Variants in KIF13B observed in about 807,000 individuals in gnomAD.
The protein encoded by KIF13B is kinesin family member 13B, also known as kinesin-like protein KIF13B.
In KIF13B, 127 loss-of-function variants were observed where a neutral mutation model predicts 222.0. The ratio of observed to expected loss-of-function variants is 0.57; its 90% confidence interval spans 0.50 to 0.66. The LOEUF (loss-of-function observed/expected upper bound fraction) is 0.66, where lower values mean the gene tolerates loss of function less well. Among genes scored for constraint, KIF13B ranks in the 30% least tolerant of loss-of-function variants. The pLI is 0.00. For missense variants in KIF13B, 2,173 were observed against 2,379.0 expected (o/e 0.91, Z 1.80); for synonymous variants, 976 against 919.0 (o/e 1.06, Z -1.12).
intron 13 of KIF13B, among the ~76,000 whole-genome samples, chr8:29,157,846 A>G (rs1020855154): frequency 6.6e-6 from 1 of 151,808 alleles, no homozygotes; most frequent in African/African-American, 2.4e-5. Flanking sequence ...AAAAAAAAAA[A>G]AAAGTAAGAA....
chr8:29,119,238 G>A (rs1287167304), intron 29 of KIF13B, among the ~76,000 whole-genome samples: 1 of 152,186 alleles, frequency 6.6e-6, no homozygotes, highest in Non-Finnish European at 1.5e-5. Flanking sequence ...GAAGGCAAAT[G>A]AAACCAAGAT....
intron 3 of KIF13B, 112 bp downstream of exon 3, chr8:29,196,075 C>A: frequency 1.0e-6 from 1 of 958,882 alleles, no homozygotes; most frequent in Non-Finnish European, 1.6e-6. Flanking sequence ...GCTTGCATTA[C>A]TTGTACAAAA....
rs1210991036 is a variant in KIF13B at position 29,099,184 on chromosome 8, G to A, written c.4273C>T (p.Pro1425Ser). The A allele has an allele frequency of 6.2e-7, 1 of 1,613,674 alleles. No individual in the cohort carries two copies. The highest frequency in any genetic ancestry group is 1.3e-5 in the African/African-American group (1 of 75,010). Residue 1425 changes from proline (P) to serine (S), a missense_variant, in exon 36 of 40, where the codon CCT (proline) becomes TCT (serine). By Grantham distance (74) the Pro-to-Ser change is moderately conservative (BLOSUM62 -1). Around this residue, in one of 2 missense-constraint regions of KIF13B, gnomAD observed 693 missense variants for 656.2 expected, o/e 1.06. Coordinates refer to ENST00000524189, the MANE Select transcript of KIF13B (RefSeq NM_015254.4). ...GGAGAAACAGAGAGGGCGGGGGCAG[G>A]AGCTATTCCTCTGGAAACTGTGGTT... Reference protein sequence around the residue: ...SQTTVSRGIAPAPALSVSPQN... With the variant: ...SQTTVSRGIASAPALSVSPQN...
Position 29,109,500 on chromosome 8 carries a change from C to T in KIF13B, c.4095G>A (p.Val1365=), listed in dbSNP as rs1809253292. 1.9e-6 allele frequency: 3 copies of T among 1,613,714 alleles called. No individual in the cohort carries two copies. In the East Asian group the frequency reaches 6.7e-5, roughly 36 times the overall value. The change falls in exon 34 of 40, where the codon GTG becomes GTA. Residue 1365 remains valine, a synonymous_variant. Transcript: ENST00000524189. ...TLDRLRQEVA[V]KEQLTGKGKL... is the part of the protein sequence containing the mutation. The stretch of plus-strand genomic sequence containing the variant: ...TTCCTTTTCCTGTTAACTGTTCCTT[C>T]ACTGCAACTTCCTGTGAATCAGAAA...
intron 2 of KIF13B, 72 bp from the exon 3 acceptor site, chr8:29,196,271 A>T: frequency 7.4e-7 from 1 of 1,360,428 alleles, no homozygotes; most frequent in Non-Finnish European, 1.0e-6. Context: ...TTTAGTTTAG[A>T]AGACTTTTTT....
intron 36 of KIF13B, among the ~76,000 whole-genome samples, chr8:29,094,426 C>T (rs1169778852): frequency 6.6e-6 from 1 of 152,134 alleles, no homozygotes; most frequent in Non-Finnish European, 1.5e-5. Context: ...ATGACTAATG[C>T]AATCAACAAT....
At chr8:29,140,330 T>G in intron 20 of KIF13B, 138 bp downstream of exon 20, 3 of 1,401,176 alleles carry the variant, frequency 2.1e-6, no homozygotes, top group South Asian at 1.4e-5. Context: ...TGACAGTTAC[T>G]CTACCCTAAG....
chr8:29,160,086 C>T (rs147608731), intron 13 of KIF13B, among the ~76,000 whole-genome samples: 4 of 152,204 alleles, frequency 2.6e-5, no homozygotes, highest in African/African-American at 7.2e-5. Context: ...GGGCACTCCT[C>T]GAATCTGTGT....
chr8:29,188,530 CAA>C lies in KIF13B; in HGVS notation c.299_300del (p.Phe100CysfsTer18). On this transcript the variant is annotated frameshift_variant, in exon 5 of 40. Transcript: ENST00000524189. LOFTEE classifies it high-confidence loss of function. ...NAFDGYNACIFAYGQTGSGKS... is the reference protein window; with the variant it reads ...NAFDGYNACIXAYGQTGSGKS... The stretch of plus-strand genomic sequence containing the variant: ...TTAACATTACCAGTCTGTCCATAGG[CAA>C]AGATACATGCATTGTAGCCATCAAA... 6.2e-7 allele frequency: 1 copy of C among 1,605,316 alleles called. No homozygotes were observed. Among genetic ancestry groups the C allele is most frequent in the Non-Finnish European group, 8.5e-7 (1 of 1,172,834 alleles).
At chr8:29,119,529 T>A (rs1039217484) in intron 29 of KIF13B, among the ~76,000 whole-genome samples, 1 of 152,148 alleles carries the variant, frequency 6.6e-6, no homozygotes, top group South Asian at 2.1e-4. Context: ...GAGGTGGGCA[T>A]GGGGGGACCG....
chr8:29,122,296 G>T (rs1396848948), intron 29 of KIF13B, among the ~76,000 whole-genome samples: 1 of 152,066 alleles, frequency 6.6e-6, no homozygotes, highest in Admixed American at 6.5e-5. Flanking sequence ...AATATTTTTA[G>T]TGCAGAAAAA....
chr8:29,126,235 A>G (rs549873387), intron 26 of KIF13B, among the ~76,000 whole-genome samples: 5 of 152,210 alleles, frequency 3.3e-5, no homozygotes, highest in Non-Finnish European at 5.9e-5. Context: ...ACGGATCTTC[A>G]GGGAGCCTGG....
intron 36 of KIF13B, among the ~76,000 whole-genome samples, chr8:29,098,139 C>G (rs186667073): frequency 8.0e-6 from 1 of 124,278 alleles, no homozygotes; most frequent in East Asian, 2.5e-4. Context: ...CCACTGCACT[C>G]CAGCCTGGGC....
In KIF13B at chr8:29,099,099, C is replaced by T. The variant is rs758045169; in HGVS notation, c.4324+34G>A. 6 of 1,474,820 alleles carry T rather than the reference C, an allele frequency of 4.1e-6. No individual in the cohort carries two copies. In the South Asian group the frequency reaches 6.8e-5, roughly 17 times the overall value. 91.4% of individuals were successfully genotyped at this position (1,474,820 alleles called of 1,614,324 possible). The stretch of plus-strand genomic sequence containing the variant: ...AACTTTCTGAAAGATGCTCAGATTT[C>T]TGACAGTAATTGACAAGTGAAAAGA... On this transcript the variant is annotated intron_variant, in intron 36 of 39. Coordinates refer to ENST00000524189, the MANE Select transcript of KIF13B (RefSeq NM_015254.4).
At chr8:29,082,969 A>C (rs1263994937) in intron 37 of KIF13B, among the ~76,000 whole-genome samples, 1 of 152,212 alleles carries the variant, frequency 6.6e-6, no homozygotes, top group Non-Finnish European at 1.5e-5. Context: ...TACAAGATCA[A>C]AATTTAAAAA....
rs762289812 is a variant in KIF13B at position 29,167,354 on chromosome 8, A to C, written c.1158+19T>G. The C allele has an allele frequency of 6.9e-6, 11 of 1,598,786 alleles. No homozygotes were observed. In the South Asian group the frequency reaches 1.2e-4, roughly 18 times the overall value. On this transcript the variant is annotated intron_variant, in intron 11 of 39. Transcript: ENST00000524189. The stretch of plus-strand genomic sequence containing the variant: ...TCCTCTTCCTGGACTCACAGGGCGC[A>C]CGCGGTGGTGCCTCCTACCTCTGCT...
At chr8:29,143,462 G>C (rs926440935) in intron 18 of KIF13B, among the ~76,000 whole-genome samples, 47 of 152,168 alleles carry the variant, frequency 3.1e-4, no homozygotes, top group Non-Finnish European at 1.3e-4. Flanking sequence ...GCATTGTTTG[G>C]GTTTCTTATT....
intron 2 of KIF13B, among the ~76,000 whole-genome samples, chr8:29,201,512 A>G (rs1397305972): frequency 6.6e-6 from 1 of 152,228 alleles, no homozygotes; most frequent in Non-Finnish European, 1.5e-5. Context: ...CCAAAAGTAA[A>G]CCACACAGTA....
intron 18 of KIF13B, among the ~76,000 whole-genome samples, chr8:29,145,229 C>T (rs890294503): frequency 2.0e-5 from 3 of 152,158 alleles, no homozygotes; most frequent in South Asian, 4.1e-4. Context: ...AAGTAACGAT[C>T]ATATCATATT....
Sources: allele counts gnomAD v4.1 joint callset (sites outside exome capture counted in the v4.1 genomes callset), GRCh38; gene constraint gnomAD v4.1.1; regional missense constraint gnomAD v4.1.1; transcripts MANE v1.5; gene names NCBI Gene and HGNC (gene_info 2026-07-23, HGNC 2026-07-21).